The following ACBD6 variants were observed in gnomAD, a reference collection of about 807,000 sequenced individuals.
ACBD6 encodes acyl-CoA-binding domain-containing protein 6.
In ACBD6, 28 loss-of-function variants were observed where a neutral mutation model predicts 37.2. The ratio of observed to expected loss-of-function variants is 0.75; its 90% CI spans 0.56 to 1.03. The LOEUF is 1.03. Ranked by LOEUF, ACBD6 falls within the 50% of genes least tolerant of loss-of-function variation. The probability of loss-of-function intolerance (pLI) is 0.00; values close to 1 mark genes in which losing one functional copy is unlikely to be tolerated. For missense variants in ACBD6, 340 were observed against 337.4 expected (o/e 1.01, Z -0.06); for synonymous variants, 113 against 126.8 (o/e 0.89, Z 0.73).
At chr1:180,431,725 G>A (rs995153553) in intron 3 of ACBD6, among the ~76,000 whole-genome samples, 2 of 151,960 alleles carry the variant, frequency 1.3e-5, no homozygotes, top group African/African-American at 4.8e-5. Context: ...CGCTCGAGAT[G>A]ATAACTAAAT....
chr1:180,356,942 C>G (rs1313335975), intron 6 of ACBD6, among the ~76,000 whole-genome samples: 1 of 151,550 alleles, frequency 6.6e-6, no homozygotes, highest in East Asian at 1.9e-4. Context: ...TCTATCATAA[C>G]CATTACAGTA....
At chr1:180,389,152 C>T (rs142044664) in intron 6 of ACBD6, among the ~76,000 whole-genome samples, 1 of 152,128 alleles carries the variant, frequency 6.6e-6, no homozygotes, top group African/African-American at 2.4e-5. Context: ...TATCCCTTCC[C>T]GCTCCCCCGC....
intron 7 of ACBD6, among the ~76,000 whole-genome samples, chr1:180,314,161 C>G (rs1267440763): frequency 1.3e-5 from 2 of 152,236 alleles, no homozygotes; most frequent in South Asian, 2.1e-4. Flanking sequence ...GGGGCTAGCA[C>G]GGTCTCTATT....
intron 3 of ACBD6, among the ~76,000 whole-genome samples, chr1:180,481,782 C>T (rs139251734): frequency 1.5e-3 from 233 of 152,222 alleles, no homozygotes; most frequent in African/African-American, 5.4e-3. Context: ...ATGTTATTTA[C>T]CCTGGAAAAG....
At chr1:180,356,862 A>C (rs1004918228) in intron 6 of ACBD6, among the ~76,000 whole-genome samples, 4 of 151,862 alleles carry the variant, frequency 2.6e-5, no homozygotes, top group Admixed American at 6.6e-5. Context: ...AAAGAAAAAA[A>C]AAAACAAAGA....
At chr1:180,426,253 A>G (rs1648577136) in intron 4 of ACBD6, among the ~76,000 whole-genome samples, 1 of 152,238 alleles carries the variant, frequency 6.6e-6, no homozygotes, top group African/African-American at 2.4e-5. Context: ...ACTACAAAAT[A>G]TAACAGGGAG....
intron 4 of ACBD6, among the ~76,000 whole-genome samples, chr1:180,429,915 T>A (rs939655627): frequency 1.1e-4 from 17 of 152,148 alleles, no homozygotes; most frequent in Non-Finnish European, 1.9e-4. Context: ...TTATTATCAC[T>A]TATTCAGACT....
At chr1:180,393,955 A>C (rs764141056) in intron 6 of ACBD6, among the ~76,000 whole-genome samples, 1 of 152,218 alleles carries the variant, frequency 6.6e-6, no homozygotes, top group African/African-American at 2.4e-5. Flanking sequence ...AGCCACCTAT[A>C]GTTTTTGGAT....
At chr1:180,292,580 A>G (rs1469996434) in intron 7 of ACBD6, among the ~76,000 whole-genome samples, 2 of 150,462 alleles carry the variant, frequency 1.3e-5, no homozygotes, top group Non-Finnish European at 3.0e-5. Flanking sequence ...TTGATTTTAC[A>G]TCCTGTGAAC....
chr1:180,462,315 C>T (rs1005597408), intron 3 of ACBD6, among the ~76,000 whole-genome samples: 16 of 152,080 alleles, frequency 1.1e-4, no homozygotes, highest in Non-Finnish European at 1.8e-4. Context: ...AGAACCAGGA[C>T]CCATTGGTAT....
chr1:180,316,915 G>A lies in ACBD6; in HGVS notation c.664-2193C>T, dbSNP rs75871579. On this transcript the variant is annotated intron_variant, in intron 6 of 7. Transcript: ENST00000367595. ...AAACAATCAAAACAGAGTGAGAGAC[G>A]AGACTGATGTGGGTGCTATTTTAGA... is the stretch of plus-strand genomic sequence containing the variant. Among the ~76,000 whole-genome samples the A allele has an allele frequency of 5.5e-3, 830 of 152,234 alleles. 7 individuals carry two copies. Among genetic ancestry groups the A allele is most frequent in the African/African-American group, 0.019 (779 of 41,528 alleles).
At chr1:180,274,165 C>T (rs781763077) in intron 10 of ACBD6, 26 of 1,614,034 alleles carry the variant, frequency 1.6e-5, no homozygotes, top group Admixed American at 1.7e-5. Flanking sequence ...GACAATAAAT[C>T]TCCGTTCTTT....
chr1:180,383,473 A>G (rs1363310703), intron 6 of ACBD6, among the ~76,000 whole-genome samples: 1 of 152,182 alleles, frequency 6.6e-6, no homozygotes, highest in Admixed American at 6.5e-5. Flanking sequence ...AATAAATTTA[A>G]CCAAGGAGGT....
intron 4 of ACBD6, among the ~76,000 whole-genome samples, chr1:180,419,741 T>C (rs1455584399): frequency 6.6e-6 from 1 of 152,146 alleles, no homozygotes; most frequent in Non-Finnish European, 1.5e-5. Flanking sequence ...AAGAAAATCA[T>C]AAGGAAAATA....
exon 14 of ACBD6, chr1:180,270,003 C>G (rs985705462): frequency 6.6e-6 from 1 of 152,262 alleles, no homozygotes; most frequent in Non-Finnish European, 1.5e-5. Flanking sequence ...TGTGTCCCCC[C>G]TCACTGTGTA....
At chr1:180,498,262 G>A (rs909976290) in intron 1 of ACBD6, among the ~76,000 whole-genome samples, 2 of 152,160 alleles carry the variant, frequency 1.3e-5, no homozygotes, top group African/African-American at 4.8e-5. Flanking sequence ...TCACTTGAAG[G>A]TTCAAATGTT....
intron 6 of ACBD6, among the ~76,000 whole-genome samples, chr1:180,327,801 G>T (rs978020926): frequency 6.6e-6 from 1 of 152,156 alleles, no homozygotes; most frequent in Non-Finnish European, 1.5e-5. Flanking sequence ...GTTACTAGCT[G>T]CAAAATCACT....
intron 3 of ACBD6, among the ~76,000 whole-genome samples, chr1:180,455,486 G>A (rs771206403): frequency 9.2e-5 from 14 of 151,814 alleles, no homozygotes; most frequent in African/African-American, 1.7e-4. Context: ...AAACCTGCAC[G>A]TTCTGCACAT....
intron 6 of ACBD6, among the ~76,000 whole-genome samples, chr1:180,348,258 G>A (rs1652269488): frequency 6.6e-6 from 1 of 152,148 alleles, no homozygotes; most frequent in Non-Finnish European, 1.5e-5. Flanking sequence ...AAGTAGCAGC[G>A]GCTATCTGTG....
Sources: gnomAD v4.1 joint callset for allele counts (sites outside exome capture counted in the v4.1 genomes callset) on GRCh38, gnomAD v4.1.1 for gene constraint, MANE v1.5 for transcripts, NCBI Gene and HGNC (gene_info 2026-07-23, HGNC 2026-07-21) for gene names.